The following FAM120A variants were observed in gnomAD, a reference collection of about 807,000 sequenced individuals.
The protein encoded by FAM120A is constitutive coactivator of PPAR-gamma-like protein 1.
A neutral mutation model predicts 109.7 loss-of-function variants in FAM120A; 15 were observed. The observed-to-expected ratio is 0.14, with a 90% CI of 0.09 to 0.21. The LOEUF is 0.21. Ranked by LOEUF, FAM120A falls within the 10% of genes least tolerant of loss-of-function variation. The pLI, the probability that FAM120A is intolerant of heterozygous loss-of-function variation, is 1.00. For synonymous variants in FAM120A, 493 were observed against 572.8 expected, an observed-to-expected ratio of 0.86 and a Z score of 1.99; for missense variants, 899 against 1,439.3, an observed-to-expected ratio of 0.62 and a Z score of 6.07.
At chr9:93,466,694 C>G (rs1018217984) in intron 1 of FAM120A, among the ~76,000 whole-genome samples, 32 of 152,094 alleles carry the variant, frequency 2.1e-4, no homozygotes, top group African/African-American at 7.0e-4. Context: ...GTGTGAACAC[C>G]AGATCTTCCA....
intron 3 of FAM120A, among the ~76,000 whole-genome samples, chr9:93,485,989 G>A (rs1231426374): frequency 2.0e-5 from 3 of 151,966 alleles, no homozygotes; most frequent in East Asian, 1.9e-4. Flanking sequence ...TTAAAAAAAA[G>A]AAAAGAAAAG....
intron 7 of FAM120A, among the ~76,000 whole-genome samples, chr9:93,518,410 T>C (rs1860695407): frequency 6.6e-6 from 1 of 152,208 alleles, no homozygotes; most frequent in Non-Finnish European, 1.5e-5. Flanking sequence ...ATTGCTTTTA[T>C]AGTTTAGAAA....
At position 93,479,125 on chromosome 9, in the gene FAM120A, G is replaced by T. The variant is rs562593030; in HGVS notation, c.804+2787G>T. 5.2e-5 allele frequency among the ~76,000 whole-genome samples: 6 copies of T among 116,218 alleles called. No individual in the cohort carries two copies. In the East Asian group the frequency reaches 1.7e-3, roughly 33 times the overall value. The allele number at this position is 116,218 out of a possible 152,430, so 76.2% of individuals were successfully genotyped here. A position where few individuals can be genotyped will look rare whatever the true frequency, so the allele number is the denominator to read the frequency against. ...TTTTTTTTTTTTTTTTTGAGACGGA[G>T]TCTCGCTCTGTCGCCCAGGCTGGAG... On this transcript the variant is annotated intron_variant, in intron 3 of 17. Transcript: ENST00000277165.
intron 3 of FAM120A, among the ~76,000 whole-genome samples, chr9:93,491,849 A>T (rs996345212): frequency 6.6e-6 from 1 of 152,112 alleles, no homozygotes; most frequent in Admixed American, 6.5e-5. Context: ...GCTAAGATTT[A>T]AAAAAACTGA....
chr9:93,532,434 C>T lies in FAM120A; in HGVS notation c.1909+105C>T, dbSNP rs1236214667. On this transcript the variant is annotated intron_variant, in intron 10 of 17. Coordinates refer to ENST00000277165, the MANE Select transcript of FAM120A (RefSeq NM_014612.5). This position sits in a 1 kb window ranked among gnomAD's most constrained non-coding sequence, Gnocchi z 4.3. ...TCATGACTGAGTTGACCCCGAGTGC[C>T]TCTGTGTAAAGGAGGTGGGCCCATC... is the stretch of plus-strand genomic sequence containing the variant. The T allele has an allele frequency of 7.4e-7, 1 of 1,350,172 alleles. No individual in the cohort carries two copies. The highest frequency in any genetic ancestry group is 1.1e-6 in the Non-Finnish European group (1 of 949,348). The allele number at this position is 1,350,172 out of a possible 1,614,324, so 83.6% of individuals were successfully genotyped here.
chr9:93,477,491 A>G (rs1044293537), intron 3 of FAM120A, among the ~76,000 whole-genome samples: 4 of 152,150 alleles, frequency 2.6e-5, no homozygotes, highest in African/African-American at 7.2e-5. Flanking sequence ...TCCCTCCTGT[A>G]TGTTTTCATG....
intron 11 of FAM120A, among the ~76,000 whole-genome samples, chr9:93,545,126 G>T (rs892953688): frequency 6.6e-6 from 1 of 151,976 alleles, no homozygotes; most frequent in Admixed American, 6.5e-5. Context: ...GCTTGCCCCT[G>T]TGTCTCCCTG....
At chr9:93,496,452 T>C (rs1362287736) in intron 3 of FAM120A, among the ~76,000 whole-genome samples, 1 of 152,276 alleles carries the variant, frequency 6.6e-6, no homozygotes, top group African/African-American at 2.4e-5. Flanking sequence ...GTGGAATGAA[T>C]GTTGTGTCAA....
At position 93,452,424 on chromosome 9, in the gene FAM120A, G is replaced by T. The variant is rs1426452648; in HGVS notation, c.474+35G>T. On this transcript the variant is annotated intron_variant, in intron 1 of 17. Coordinates refer to ENST00000277165, the MANE Select transcript of FAM120A (RefSeq NM_014612.5). The surrounding 1 kb of genome is among the most constrained non-coding windows in gnomAD (Gnocchi z 7.0). ...GGGATCCGGGCGGGCCGGGGACCGG[G>T]GCCGCGCCGCACCCCTATCCCCCTT... 1 of 1,575,608 alleles carries T rather than the reference G, an allele frequency of 6.3e-7. No individual in the cohort carries two copies. The highest frequency in any genetic ancestry group is 8.6e-7 in the Non-Finnish European group (1 of 1,162,442).
intron 3 of FAM120A, among the ~76,000 whole-genome samples, chr9:93,487,257 G>A (rs1041606582): frequency 6.6e-6 from 1 of 152,088 alleles, no homozygotes; most frequent in Non-Finnish European, 1.5e-5. Flanking sequence ...CGCTTTCTAG[G>A]TTCAAGCAAT....
chr9:93,559,535 C>T (rs142968437), intron 15 of FAM120A, among the ~76,000 whole-genome samples: 24 of 152,352 alleles, frequency 1.6e-4, no homozygotes, highest in African/African-American at 4.6e-4. Flanking sequence ...GATTTGGCGA[C>T]GGGTCAGCCC....
chr9:93,543,351 C>T lies in FAM120A; in HGVS notation c.2039C>T (p.Ala680Val). The stretch of plus-strand genomic sequence containing the variant: ...CTGAAGAGGCTGTGGTTGGGTAAGG[C>T]GGTAGAGGACAAGAACCGCAGGATG... The part of the protein sequence containing the change: ...PNLKRLWLGK[A>V]VEDKNRRMRA... The change falls in exon 11 of 18, where the codon GCG becomes GTG. Residue 680 changes from alanine (A) to valine (V), a missense_variant. Ala to Val is a moderately conservative substitution (Grantham distance 64). Transcript: ENST00000277165. 1.2e-6 allele frequency: 2 copies of T among 1,614,122 alleles called. No homozygotes were observed. Among genetic ancestry groups the T allele is most frequent in the Non-Finnish European group, 1.7e-6 (2 of 1,180,000 alleles).
intron 3 of FAM120A, among the ~76,000 whole-genome samples, chr9:93,482,552 A>C (rs1024694634): frequency 6.6e-6 from 1 of 152,020 alleles, no homozygotes; most frequent in African/African-American, 2.4e-5. Context: ...TATTGTCTTC[A>C]ACCAGAAGTC....
intron 5 of FAM120A, among the ~76,000 whole-genome samples, chr9:93,507,398 A>G (rs932581180): frequency 6.6e-6 from 1 of 152,194 alleles, no homozygotes; most frequent in African/African-American, 2.4e-5. Context: ...GAGGAAGAGC[A>G]GATTTGGAGG....
At position 93,494,852 on chromosome 9, in the gene FAM120A, CA is replaced by C. The variant is rs1859501610; in HGVS notation, c.805-2618del. On this transcript the variant is annotated intron_variant, in intron 3 of 17. Transcript: ENST00000277165. Reference sequence around the variant, plus strand: ...GAGGACTGGCCTCTGGCACGGGTGACATTAGGCCACCACAGGCTTGGGGTGC... The same window carrying C: ...GAGGACTGGCCTCTGGCACGGGTGACTTAGGCCACCACAGGCTTGGGGTGC... Among the ~76,000 whole-genome samples, 3 of 152,290 alleles carry C rather than the reference CA, an allele frequency of 2.0e-5. No individual in the cohort carries two copies. In the South Asian group the frequency reaches 6.2e-4, roughly 32 times the overall value.
intron 3 of FAM120A, among the ~76,000 whole-genome samples, chr9:93,480,300 T>C (rs1228883991): frequency 6.6e-6 from 1 of 152,222 alleles, no homozygotes; most frequent in Non-Finnish European, 1.5e-5. Context: ...TGGTCAATTC[T>C]ATAATGAGAG....
chr9:93,495,764 G>A (rs1009463317), intron 3 of FAM120A, among the ~76,000 whole-genome samples: 7 of 152,298 alleles, frequency 4.6e-5, no homozygotes, highest in East Asian at 1.9e-4. Flanking sequence ...GGCTGTGGCC[G>A]TTTCAGGAAA....
Position 93,498,783 on chromosome 9 carries a change from A to G in FAM120A, c.934-7A>G, listed in dbSNP as rs1177397318. 1 of 1,577,664 alleles carries G rather than the reference A, an allele frequency of 6.3e-7. No individual in the cohort carries two copies. The highest frequency in any genetic ancestry group is 1.7e-5 in the Admixed American group (1 of 59,736). ...AATTTATGAAGGTTTTCCTGCCTTT[A>G]TTTCAGTCTAGAACAGATGACAAAG... On this transcript the variant is annotated splice_region_variant and splice_polypyrimidine_tract_variant and intron_variant, in intron 4 of 17. Coordinates refer to ENST00000277165, the MANE Select transcript of FAM120A (RefSeq NM_014612.5). This position sits in a 1 kb window ranked among gnomAD's most constrained non-coding sequence, Gnocchi z 4.4.
intron 11 of FAM120A, among the ~76,000 whole-genome samples, chr9:93,546,027 C>G (rs1861876992): frequency 6.6e-6 from 1 of 151,808 alleles, no homozygotes; most frequent in Non-Finnish European, 1.5e-5. Context: ...CTCAGGTGAT[C>G]CACCCACCTC....
Sources: allele counts gnomAD v4.1 joint callset (sites outside exome capture counted in the v4.1 genomes callset), GRCh38; gene constraint gnomAD v4.1.1; non-coding constraint Gnocchi (gnomAD v3.1); transcripts MANE v1.5; gene names NCBI Gene and HGNC (gene_info 2026-07-23, HGNC 2026-07-21).